The following BICDL1 variants were observed in gnomAD, a reference collection of about 807,000 sequenced individuals.
BICDL1 encodes BICD family like cargo adaptor 1.
In BICDL1, 20 loss-of-function variants were observed where a neutral mutation model predicts 76.8. That is an observed-to-expected ratio of 0.26 (90% CI 0.18 to 0.38). The LOEUF (loss-of-function observed/expected upper bound fraction) is 0.38, where lower values mean the gene tolerates loss of function less well. Ranked by LOEUF, BICDL1 falls within the 10% of genes least tolerant of loss-of-function variation. The pLI is 1.00. For synonymous variants in BICDL1, 383 were observed against 337.1 expected, an observed-to-expected ratio of 1.14 and a Z score of -1.49; for missense variants, 700 against 798.6, an observed-to-expected ratio of 0.88 and a Z score of 1.49.
At chr12:120,057,818 C>CCTTTTTTTTTTTTTTTTTTT (rs1953008680) in intron 2 of BICDL1, among the ~76,000 whole-genome samples, 1 of 78,324 alleles carries the variant, frequency 1.3e-5, no homozygotes. Flanking sequence ...GCGATTCCTG[C>CCTTTTTTTTTTTTTTTTTTT]TTTTTTTTTT....
rs138283680 is a variant in BICDL1, at chr12:120,010,626, GA to G, written c.645+11891del. Among the ~76,000 whole-genome samples, 182 of 152,316 alleles carry G rather than the reference GA, an allele frequency of 1.2e-3. 1 individual carries two copies. The highest frequency in any genetic ancestry group is 4.3e-3 in the African/African-American group (177 of 41,572). On this transcript the variant is annotated intron_variant, in intron 2 of 9. Coordinates refer to ENST00000548673, the MANE Select transcript of BICDL1 (RefSeq NM_001367886.1). ...AATAGCTGCAAGGAAGAGCTGAATGGATTGTTAATCTGGTGGATTCCTGTCC... is the reference window on the plus strand; with the variant it reads ...AATAGCTGCAAGGAAGAGCTGAATGGTTGTTAATCTGGTGGATTCCTGTCC...
At chr12:120,008,107 A>ATCCCAT (rs996591664) in intron 2 of BICDL1, among the ~76,000 whole-genome samples, 2 of 144,860 alleles carry the variant, frequency 1.4e-5, no homozygotes, top group African/African-American at 5.2e-5. Flanking sequence ...ACCTCTTCTG[A>ATCCCAT]TCCCATTCCT....
chr12:120,057,239 T>C (rs1952993715), intron 2 of BICDL1: 5 of 410,036 alleles, frequency 1.2e-5, no homozygotes. Flanking sequence ...GGTCTCGAAC[T>C]CCTGAGCTCA....
chr12:120,018,769 G>A (rs903805603), intron 2 of BICDL1: 2 of 152,186 alleles, frequency 1.3e-5, no homozygotes, highest in Non-Finnish European at 2.9e-5. Flanking sequence ...GTGTTGGCCA[G>A]GCGCGGTGGC....
chr12:120,059,761 T>G (rs1953063618), intron 2 of BICDL1, among the ~76,000 whole-genome samples: 1 of 152,034 alleles, frequency 6.6e-6, no homozygotes, highest in Admixed American at 6.6e-5. Context: ...AAGGCTGTAG[T>G]GCAGTGGCAG....
chr12:120,062,703 A>G (rs565337573), intron 3 of BICDL1, among the ~76,000 whole-genome samples: 52 of 152,168 alleles, frequency 3.4e-4, no homozygotes, highest in African/African-American at 1.2e-3. Flanking sequence ...CCTGCCTCCT[A>G]TTCCCTTCCT....
intron 2 of BICDL1, among the ~76,000 whole-genome samples, chr12:120,040,323 T>C (rs1423447353): frequency 6.6e-6 from 1 of 152,198 alleles, no homozygotes; most frequent in Admixed American, 6.5e-5. Context: ...ACTCCTGACC[T>C]CAGGTGATCT....
chr12:120,052,914 G>A (rs1319844582), intron 2 of BICDL1, among the ~76,000 whole-genome samples: 3 of 151,936 alleles, frequency 2.0e-5, no homozygotes, highest in African/African-American at 4.8e-5. Flanking sequence ...TGGGCACTAC[G>A]GACTACAGGC....
At chr12:120,038,363 A>G (rs972108913) in intron 2 of BICDL1, among the ~76,000 whole-genome samples, 3 of 152,238 alleles carry the variant, frequency 2.0e-5, no homozygotes, top group African/African-American at 4.8e-5. Flanking sequence ...TTTATCAGTA[A>G]TAAGAAATGA....
chr12:120,077,450 G>A (rs117424806), intron 7 of BICDL1, among the ~76,000 whole-genome samples: 6 of 151,880 alleles, frequency 4.0e-5, no homozygotes, highest in Non-Finnish European at 5.9e-5. Flanking sequence ...GGTCTTCTGC[G>A]ATTAGTCTGT....
At chr12:120,083,361 A>G (rs1874140671) in intron 8 of BICDL1, among the ~76,000 whole-genome samples, 2 of 150,690 alleles carry the variant, frequency 1.3e-5, no homozygotes, top group Admixed American at 6.6e-5. Context: ...GGCTGGAGCA[A>G]TCCTCTCACC....
At chr12:120,023,791 A>G (rs893723923) in intron 2 of BICDL1, among the ~76,000 whole-genome samples, 6 of 143,848 alleles carry the variant, frequency 4.2e-5, no homozygotes, top group African/African-American at 1.3e-4. Flanking sequence ...TTCCATCTCG[A>G]AAAAAAAAAA....
At chr12:120,072,905 C>T (rs1048664029) in intron 6 of BICDL1, among the ~76,000 whole-genome samples, 176 bp downstream of exon 6, 2 of 152,194 alleles carry the variant, frequency 1.3e-5, no homozygotes, top group African/African-American at 4.8e-5. Context: ...GAGTCTCGCT[C>T]TGTTACCCCG....
chr12:120,033,022 G>A (rs571484047), intron 2 of BICDL1, among the ~76,000 whole-genome samples: 21 of 152,260 alleles, frequency 1.4e-4, no homozygotes, highest in Admixed American at 1.2e-3. Flanking sequence ...TGGGATTACA[G>A]GCGTGAGCCA....
At chr12:120,002,555 T>C (rs995861502) in intron 2 of BICDL1, among the ~76,000 whole-genome samples, 4 of 152,204 alleles carry the variant, frequency 2.6e-5, no homozygotes, top group South Asian at 2.1e-4. Context: ...TTTTATTCTT[T>C]GAAAAAGTCC....
chr12:119,997,712 A>G (rs1951678922), intron 1 of BICDL1, among the ~76,000 whole-genome samples: 1 of 152,188 alleles, frequency 6.6e-6, no homozygotes, highest in African/African-American at 2.4e-5. Context: ...CGAGATGGTT[A>G]ATTGAAAAGA....
chr12:120,070,793 G>A (rs900730530), intron 4 of BICDL1, among the ~76,000 whole-genome samples: 1 of 150,900 alleles, frequency 6.6e-6, no homozygotes, highest in South Asian at 2.1e-4. Flanking sequence ...GTGCAATGGC[G>A]CAATCTCGGC....
chr12:120,023,817 TC>T (rs1260143118), intron 2 of BICDL1, among the ~76,000 whole-genome samples: 1 of 150,712 alleles, frequency 6.6e-6, no homozygotes, highest in Non-Finnish European at 1.5e-5. Flanking sequence ...AAAAAAAGAT[TC>T]CCAGGTATGC....
intron 2 of BICDL1, among the ~76,000 whole-genome samples, chr12:120,046,036 T>C (rs1952744231): frequency 6.6e-6 from 1 of 152,186 alleles, no homozygotes; most frequent in African/African-American, 2.4e-5. Context: ...GACATGTTCT[T>C]AGGAACTATG....
Sources: gnomAD v4.1 joint callset for allele counts (sites outside exome capture counted in the v4.1 genomes callset) on GRCh38, gnomAD v4.1.1 for gene constraint, MANE v1.5 for transcripts, NCBI Gene and HGNC (gene_info 2026-07-23, HGNC 2026-07-21) for gene names.